UST: variants seen among roughly 807,000 people sequenced by gnomAD.
UST encodes the protein chondroitin sulfate 2-O-sulfotransferase.
In UST, 21 loss-of-function variants were observed where a neutral mutation model predicts 45.6. The ratio of observed to expected loss-of-function variants is 0.46; its 90% CI spans 0.33 to 0.66. UST has a LOEUF of 0.66. UST is among the 30% of genes least tolerant of loss of function. The pLI, the probability that UST is intolerant of heterozygous loss-of-function variation, is 0.02. For synonymous variants in UST, 215 were observed against 200.6 expected (o/e 1.07, Z -0.61); for missense variants, 463 against 512.4 (o/e 0.90, Z 0.93).
intron 1 of UST, 88 bp from the exon 2 acceptor site, chr6:148,886,898 A>C: frequency 9.1e-7 from 1 of 1,097,776 alleles, no homozygotes; most frequent in South Asian, 1.3e-5. Context: ...AATACTGTAT[A>C]ACTAGAATGC....
intron 1 of UST, among the ~76,000 whole-genome samples, chr6:148,804,059 G>A (rs962862279): frequency 6.6e-6 from 1 of 152,150 alleles, no homozygotes; most frequent in Non-Finnish European, 1.5e-5. Context: ...TAAGGACCCC[G>A]TAAATGTTTG....
At chr6:148,876,794 G>T (rs189666486) in intron 1 of UST, among the ~76,000 whole-genome samples, 13 of 151,694 alleles carry the variant, frequency 8.6e-5, no homozygotes, top group Admixed American at 7.2e-4. Context: ...TTGGATTCAC[G>T]TGGGCATGGC....
intron 7 of UST, among the ~76,000 whole-genome samples, chr6:149,064,783 G>A (rs1293765878): frequency 1.3e-5 from 2 of 152,048 alleles, no homozygotes; most frequent in East Asian, 1.9e-4. Flanking sequence ...CCTCTTTCAC[G>A]GGGGCAGTCA....
chr6:149,028,890 A>C (rs1776091630), intron 7 of UST, among the ~76,000 whole-genome samples: 2 of 152,238 alleles, frequency 1.3e-5, no homozygotes, highest in Non-Finnish European at 1.5e-5. Context: ...TTTAATAGAC[A>C]TAGAATGATA....
chr6:148,791,961 C>A (rs1001787957), intron 1 of UST, among the ~76,000 whole-genome samples: 3 of 152,146 alleles, frequency 2.0e-5, no homozygotes, highest in Admixed American at 6.5e-5. Context: ...CAAATGGAAA[C>A]CCCACTCTCA....
At chr6:149,029,560 C>A (rs909153984) in intron 7 of UST, among the ~76,000 whole-genome samples, 2 of 149,492 alleles carry the variant, frequency 1.3e-5, no homozygotes, top group Admixed American at 6.7e-5. Flanking sequence ...TTTTAGAAAG[C>A]CTGAATTAAA....
chr6:149,034,854 C>G (rs1015539178), intron 7 of UST, among the ~76,000 whole-genome samples: 36 of 111,618 alleles, frequency 3.2e-4, no homozygotes, highest in African/African-American at 1.6e-3. Flanking sequence ...CTCTCTCTCT[C>G]TCTCTCTCTC....
intron 7 of UST, among the ~76,000 whole-genome samples, chr6:149,032,277 G>A (rs1419358931): frequency 6.6e-6 from 1 of 152,062 alleles, no homozygotes; most frequent in Non-Finnish European, 1.5e-5. Context: ...CTTCCTAACA[G>A]TGTGGCAGGG....
chr6:148,924,265 C>A (rs1368005991), intron 2 of UST, among the ~76,000 whole-genome samples: 3 of 152,170 alleles, frequency 2.0e-5, no homozygotes, highest in Non-Finnish European at 1.5e-5. Flanking sequence ...TTGCTCTAGG[C>A]CCTTCTCTGA....
At chr6:148,829,870 G>T (rs538456967) in intron 1 of UST, among the ~76,000 whole-genome samples, 1 of 152,176 alleles carries the variant, frequency 6.6e-6, no homozygotes, top group Admixed American at 6.5e-5. Context: ...CTATTATTTT[G>T]GAAGGTGTTT....
In UST at chr6:149,074,205, G is replaced by A. The variant is rs1179247639; in HGVS notation, c.*89G>A. 1.8e-5 allele frequency: 25 copies of A among 1,403,712 alleles called. No homozygotes were observed. Among genetic ancestry groups the A allele is most frequent in the Non-Finnish European group, 2.2e-5 (23 of 1,026,836 alleles). The allele number at this position is 1,403,712 out of a possible 1,614,324, so 87.0% of individuals were successfully genotyped here. A position where few individuals can be genotyped will look rare whatever the true frequency, so the allele number is the denominator to read the frequency against. The stretch of plus-strand genomic sequence containing the variant: ...AAAATCCTTAAGGGACTAAATTAAT[G>A]CTTGGGTGCATTAAAAAGAACAAAA... On this transcript the variant is annotated 3_prime_UTR_variant, in exon 8 of 8. Coordinates refer to ENST00000367463, the MANE Select transcript of UST (RefSeq NM_005715.3).
At chr6:148,763,964 G>A (rs1474789785) in intron 1 of UST, among the ~76,000 whole-genome samples, 3 of 152,116 alleles carry the variant, frequency 2.0e-5, no homozygotes, top group Non-Finnish European at 2.9e-5. Flanking sequence ...GCTTAGGATT[G>A]CTTTGACTAT....
intron 7 of UST, among the ~76,000 whole-genome samples, chr6:149,065,163 A>T (rs1776713915): frequency 6.6e-6 from 1 of 152,174 alleles, no homozygotes; most frequent in Admixed American, 6.5e-5. Flanking sequence ...TTCCCTTCCC[A>T]AGGAATGCTA....
At chr6:148,991,032 A>C (rs555120335) in intron 5 of UST, among the ~76,000 whole-genome samples, 8 of 152,240 alleles carry the variant, frequency 5.3e-5, no homozygotes, top group Non-Finnish European at 8.8e-5. Flanking sequence ...GAGGTGAGGC[A>C]GGTAGTAAAC....
At chr6:148,842,492 G>A (rs923555132) in intron 1 of UST, among the ~76,000 whole-genome samples, 7 of 152,196 alleles carry the variant, frequency 4.6e-5, no homozygotes, top group Non-Finnish European at 8.8e-5. Flanking sequence ...GTCAGGCCAT[G>A]ATCACTACAG....
intron 1 of UST, among the ~76,000 whole-genome samples, chr6:148,752,763 A>T (rs1320719001): frequency 1.3e-5 from 2 of 152,246 alleles, no homozygotes; most frequent in Non-Finnish European, 2.9e-5. Context: ...TCAGAGGGAG[A>T]CTGAAGGAGC....
intron 1 of UST, among the ~76,000 whole-genome samples, chr6:148,769,746 G>A (rs1776386201): frequency 8.0e-6 from 1 of 124,256 alleles, no homozygotes; most frequent in African/African-American, 3.7e-5. Flanking sequence ...GTAGGAGCCT[G>A]TGTTTGTGTG....
At chr6:148,895,061 C>T (rs1414270161) in intron 2 of UST, among the ~76,000 whole-genome samples, 1 of 152,056 alleles carries the variant, frequency 6.6e-6, no homozygotes, top group African/African-American at 2.4e-5. Context: ...TGTGATCCAC[C>T]CACCTCGGCC....
intron 5 of UST, among the ~76,000 whole-genome samples, chr6:149,007,703 C>T (rs1221240011): frequency 2.0e-5 from 3 of 151,912 alleles, no homozygotes; most frequent in Admixed American, 6.6e-5. Context: ...GGATTACAGG[C>T]GTGAGCCACC....
Sources: allele counts gnomAD v4.1 joint callset (sites outside exome capture counted in the v4.1 genomes callset), GRCh38; gene constraint gnomAD v4.1.1; transcripts MANE v1.5; gene names NCBI Gene and HGNC (gene_info 2026-07-23, HGNC 2026-07-21).